Variants in NAPG observed in about 807,000 individuals in gnomAD.
NAPG encodes the protein NSF attachment protein gamma.
NAPG carries 25 observed loss-of-function variants against 48.4 expected under a neutral mutation model. The ratio of observed to expected loss-of-function variants is 0.52; its 90% CI spans 0.38 to 0.72. The LOEUF (loss-of-function observed/expected upper bound fraction) is 0.72. NAPG is among the 30% of genes least tolerant of loss of function. The pLI is 0.00. For synonymous variants in NAPG, 139 were observed against 127.2 expected, an observed-to-expected ratio of 1.09 and a Z score of -0.62; for missense variants, 359 against 372.5, an observed-to-expected ratio of 0.96 and a Z score of 0.30.
At position 10,544,587 on chromosome 18, in the gene NAPG, C is replaced by T. The variant is rs912192184; in HGVS notation, c.507-1739C>T. Among the ~76,000 whole-genome samples, 1 of 152,174 alleles carries T rather than the reference C, an allele frequency of 6.6e-6. No individual in the cohort carries two copies. The highest frequency in any genetic ancestry group is 2.4e-5 in the African/African-American group (1 of 41,436). On this transcript the variant is annotated intron_variant, in intron 8 of 11. Transcript: ENST00000322897. This position sits in a 1 kb window ranked among gnomAD's most constrained non-coding sequence, Gnocchi z 5.1. ...CTGCTAATTCGAGACATCAGGAGTA[C>T]TCTGGCCTCTAACTTAAGGAAGGGC...
Position 10,530,846 on chromosome 18 carries a change from G to A in NAPG, c.124+9G>A. Reference sequence around the variant, plus strand: ...TGAATATGGAAAAGCAGGTATTTTTGACTATAGTCCAGTTGCTCCAGTATG... The same window carrying A: ...TGAATATGGAAAAGCAGGTATTTTTAACTATAGTCCAGTTGCTCCAGTATG... On this transcript the variant is annotated intron_variant, in intron 2 of 11. Coordinates refer to ENST00000322897, the MANE Select transcript of NAPG (RefSeq NM_003826.3). The A allele has an allele frequency of 6.4e-7, 1 of 1,565,878 alleles. No individual in the cohort carries two copies. The highest frequency in any genetic ancestry group is 8.6e-7 in the Non-Finnish European group (1 of 1,156,770).
chr18:10,544,614 C>T lies in NAPG; in HGVS notation c.507-1712C>T, dbSNP rs1237998297. 1.3e-5 allele frequency among the ~76,000 whole-genome samples: 2 copies of T among 152,150 alleles called. No individual in the cohort carries two copies. Among genetic ancestry groups the T allele is most frequent in the South Asian group, 2.1e-4 (1 of 4,826 alleles). On this transcript the variant is annotated intron_variant, in intron 8 of 11. Transcript: ENST00000322897. This position sits in a 1 kb window ranked among gnomAD's most constrained non-coding sequence, Gnocchi z 5.1. ...CTGGCCTCTAACTTAAGGAAGGGCC[C>T]ACCTGATTAAGTCAGGCCCACACAG...
rs2032388275 is a variant in NAPG, at chr18:10,551,284, G to A, written c.*1064G>A. On this transcript the variant is annotated 3_prime_UTR_variant, in exon 12 of 12. Transcript: ENST00000322897. The stretch of plus-strand genomic sequence containing the variant: ...TAAGAATGAGGTAATGTTTCCATCA[G>A]TCTAATACAGATATATTTCTTCCCT... The A allele has an allele frequency of 6.6e-6, 1 of 151,890 alleles. No individual in the cohort carries two copies. The highest frequency in any genetic ancestry group is 1.9e-4 in the East Asian group (1 of 5,188). The allele number at this position is 151,890 out of a possible 1,614,324, so 9.4% of individuals were successfully genotyped here.
At chr18:10,528,062 T>G (rs1367883545) in intron 1 of NAPG, among the ~76,000 whole-genome samples, 1 of 152,176 alleles carries the variant, frequency 6.6e-6, no homozygotes, top group Non-Finnish European at 1.5e-5. Context: ...GGCGCGCACC[T>G]GTAATCCCAA....
At position 10,529,811 on chromosome 18, in the gene NAPG, G is replaced by T. The variant is rs150075143; in HGVS notation, c.57-959G>T. 5.1e-3 allele frequency among the ~76,000 whole-genome samples: 772 copies of T among 152,240 alleles called. 14 individuals carry two copies. The highest frequency in any genetic ancestry group is 0.018 in the African/African-American group (732 of 41,518). ...TTCCCATGGCTGTCACATAATGAAG[G>T]CTGTACTTCTGAGTGCTCATACAGA... is the stretch of plus-strand genomic sequence containing the variant. On this transcript the variant is annotated intron_variant, in intron 1 of 11. Coordinates refer to ENST00000322897, the MANE Select transcript of NAPG (RefSeq NM_003826.3).
chr18:10,546,697 G>A lies in NAPG; in HGVS notation c.585+293G>A, dbSNP rs1364414517. 6.6e-6 allele frequency among the ~76,000 whole-genome samples: 1 copy of A among 152,206 alleles called. No individual in the cohort carries two copies. On this transcript the variant is annotated intron_variant, in intron 9 of 11. Coordinates refer to ENST00000322897, the MANE Select transcript of NAPG (RefSeq NM_003826.3). The surrounding 1 kb of genome is among the most constrained non-coding windows in gnomAD (Gnocchi z 4.0). ...GTGGAGAAACAACCACCATGGGAAT[G>A]AGTTTCTCGGGTTTTTTTCCATTTC...
In NAPG at chr18:10,550,970, C is replaced by CT. The variant is rs2032377995; in HGVS notation, c.*755dup. 1 of 149,832 alleles carries CT rather than the reference C, an allele frequency of 6.7e-6. No homozygotes were observed. Among genetic ancestry groups the CT allele is most frequent in the Non-Finnish European group, 1.5e-5 (1 of 67,664 alleles). 9.3% of individuals were successfully genotyped at this position (149,832 alleles called of 1,614,324 possible). A position where few individuals can be genotyped will look rare whatever the true frequency, so the allele number is the denominator to read the frequency against. ...ATAGGAGCTAATGGGTAATGAATAC[C>CT]TTTTTGTTTGTTTGTTTGTTTGTTT... On this transcript the variant is annotated 3_prime_UTR_variant, in exon 12 of 12. Coordinates refer to ENST00000322897, the MANE Select transcript of NAPG (RefSeq NM_003826.3).
In NAPG at chr18:10,526,336, T is replaced by C. The variant is rs1369553785; in HGVS notation, c.56+178T>C. ...CTGGGTCACACTCCCGGGGTCGGGG[T>C]CAGCTCTGCGGCGCCTCGGGAAGCG... On this transcript the variant is annotated intron_variant, in intron 1 of 11. Transcript: ENST00000322897. 3.2e-5 allele frequency: 20 copies of C among 629,128 alleles called. 1 individual carries two copies. Among genetic ancestry groups the C allele is most frequent in the Middle Eastern group, 8.7e-4 (2 of 2,288 alleles). The allele number at this position is 629,128 out of a possible 1,614,324, so 39.0% of individuals were successfully genotyped here.
At chr18:10,526,943 A>T (rs2143081439) in intron 1 of NAPG, among the ~76,000 whole-genome samples, 1 of 152,092 alleles carries the variant, frequency 6.6e-6, no homozygotes, top group East Asian at 1.9e-4. Context: ...CAATCCCAGC[A>T]CTTTGGGAGG....
At position 10,552,049 on chromosome 18, in the gene NAPG, T is replaced by G. The variant is rs1253679817; in HGVS notation, c.*1829T>G. On this transcript the variant is annotated 3_prime_UTR_variant, in exon 12 of 12. Coordinates refer to ENST00000322897, the MANE Select transcript of NAPG (RefSeq NM_003826.3). The stretch of plus-strand genomic sequence containing the variant: ...CTGGAGTCTTACATTAATGCTCATT[T>G]GAGCTAATTAGTAATCTGTTTAAAC... 1.3e-5 allele frequency: 2 copies of G among 152,246 alleles called. No individual in the cohort carries two copies. The highest frequency in any genetic ancestry group is 4.8e-5 in the African/African-American group (2 of 41,470). The allele number at this position is 152,246 out of a possible 1,614,324, so 9.4% of individuals were successfully genotyped here. A position where few individuals can be genotyped will look rare whatever the true frequency, so the allele number is the denominator to read the frequency against.
At chr18:10,538,155 T>A (rs1405511172) in intron 5 of NAPG, among the ~76,000 whole-genome samples, 1 of 152,172 alleles carries the variant, frequency 6.6e-6, no homozygotes, top group Non-Finnish European at 1.5e-5. Flanking sequence ...CTGAGATGTG[T>A]AGATTAATAG....
intron 1 of NAPG, among the ~76,000 whole-genome samples, chr18:10,527,604 C>T (rs550450629): frequency 2.4e-4 from 36 of 152,226 alleles, no homozygotes; most frequent in African/African-American, 7.2e-4. Flanking sequence ...TTTATTCTGC[C>T]TGAGAAAATT....
chr18:10,533,105 G>T, intron 3 of NAPG: 1 of 297,330 alleles, frequency 3.4e-6, no homozygotes, highest in Non-Finnish European at 6.2e-6. Context: ...AAGTAGCACA[G>T]GTATTGAAAA....
chr18:10,550,186 A>C lies in NAPG; in HGVS notation c.905A>C (p.Glu302Ala). 1 of 1,589,156 alleles carries C rather than the reference A, an allele frequency of 6.3e-7. No individual in the cohort carries two copies. Among genetic ancestry groups the C allele is most frequent in the African/African-American group, 1.4e-5 (1 of 73,178 alleles). ...GGTGTCACTGCCACGGCTGCTGATG[A>C]AGAGGAAGATGAATACTCAGGAGGA... Reference protein sequence around the residue: ...PDGVTATAADEEEDEYSGGLC With the variant: ...PDGVTATAADAEEDEYSGGLC The change falls in exon 12 of 12, where the codon GAA becomes GCA. Residue 302 changes from glutamate to alanine, a missense_variant. Glu to Ala is a moderately radical substitution (Grantham distance 107). Coordinates refer to ENST00000322897, the MANE Select transcript of NAPG (RefSeq NM_003826.3).
Position 10,549,023 on chromosome 18 carries a change from G to C in NAPG, c.722G>C (p.Gly241Ala). ...GCTGCCCTGGAACAGCTTCTTGAAG[G>C]TTATGACCAGCAAGACCAAGATCAG... ...DCAALEQLLE[G>A]YDQQDQDQVS... The change falls in exon 11 of 12, where the codon GGT becomes GCT. Residue 241 changes from glycine to alanine, a missense_variant. Coordinates refer to ENST00000322897, the MANE Select transcript of NAPG (RefSeq NM_003826.3). 1 of 1,613,914 alleles carries C rather than the reference G, an allele frequency of 6.2e-7. No individual in the cohort carries two copies. The highest frequency in any genetic ancestry group is 1.3e-5 in the African/African-American group (1 of 75,020).
chr18:10,526,123 C>G lies in NAPG; in HGVS notation c.21C>G (p.Asn7Lys). 1 of 1,613,546 alleles carries G rather than the reference C, an allele frequency of 6.2e-7. No homozygotes were observed. The highest frequency in any genetic ancestry group is 1.7e-4 in the Middle Eastern group (1 of 6,012). Residue 7 changes from asparagine (N) to lysine (K), a missense_variant, in exon 1 of 12, where the codon AAC (asparagine) becomes AAG (lysine). Physicochemically the swap from Asn to Lys is moderately conservative, Grantham distance 94 (BLOSUM62 0). Transcript: ENST00000322897. ...TGGAGATGGCGGCTCAGAAGATAAA[C>G]GAGGGGCTGGAACACCTCGCCAAAG... MAAQKI[N>K]EGLEHLAKAE...
chr18:10,539,593 T>C lies in NAPG; in HGVS notation c.259-169T>C, dbSNP rs769520275. 28 of 599,960 alleles carry C rather than the reference T, an allele frequency of 4.7e-5. No homozygotes were observed. The highest frequency in any genetic ancestry group is 8.3e-5 in the Non-Finnish European group (28 of 338,332). The allele number at this position is 599,960 out of a possible 1,614,324, so 37.2% of individuals were successfully genotyped here. A position where few individuals can be genotyped will look rare whatever the true frequency, so the allele number is the denominator to read the frequency against. On this transcript the variant is annotated intron_variant, in intron 5 of 11. Coordinates refer to ENST00000322897, the MANE Select transcript of NAPG (RefSeq NM_003826.3). This position sits in a 1 kb window ranked among gnomAD's most constrained non-coding sequence, Gnocchi z 4.7. ...GCTTAAAACCTAGATGATGGGTTGA[T>C]AGGTATAGCAAACCACCATGGGACA...
At position 10,550,340 on chromosome 18, in the gene NAPG, TA is replaced by T. The variant is rs368370775; in HGVS notation, c.*123del. On this transcript the variant is annotated 3_prime_UTR_variant, in exon 12 of 12. Coordinates refer to ENST00000322897, the MANE Select transcript of NAPG (RefSeq NM_003826.3). ...TTACAGTCATGATTTTGGATCCTAATAAAGACTAGTTTTTAGTTACCATCTT... is the reference window on the plus strand; with the variant it reads ...TTACAGTCATGATTTTGGATCCTAATAAGACTAGTTTTTAGTTACCATCTT... 3.6e-6 allele frequency: 4 copies of T among 1,102,902 alleles called. No homozygotes were observed. 68.3% of individuals were successfully genotyped at this position (1,102,902 alleles called of 1,614,324 possible).
chr18:10,532,947 G>T, intron 3 of NAPG, 152 bp downstream of exon 3: 1 of 660,408 alleles, frequency 1.5e-6, no homozygotes, highest in East Asian at 2.8e-5. Flanking sequence ...AAACTATGAA[G>T]GAGCGTTTAT....
Sources: gnomAD v4.1 joint callset for allele counts (sites outside exome capture counted in the v4.1 genomes callset) on GRCh38, gnomAD v4.1.1 for gene constraint, Gnocchi (gnomAD v3.1) non-coding constraint, MANE v1.5 for transcripts, NCBI Gene and HGNC (gene_info 2026-07-23, HGNC 2026-07-21) for gene names.